DGKI: variants seen among roughly 807,000 people sequenced by gnomAD.
The protein encoded by DGKI is DAG kinase iota.
DGKI carries 55 observed loss-of-function variants against 147.5 expected under a neutral mutation model. The ratio of observed to expected loss-of-function variants is 0.37; its 90% CI spans 0.30 to 0.47. The LOEUF (loss-of-function observed/expected upper bound fraction) is 0.47, where lower values mean the gene tolerates loss of function less well. Among genes scored for constraint, DGKI ranks in the 20% least tolerant of loss-of-function variants. The pLI, the probability that DGKI is intolerant of heterozygous loss-of-function variation, is 1.00. For missense variants in DGKI, 1,007 were observed against 1,323.8 expected (o/e 0.76, Z 3.71); for synonymous variants, 469 against 477.1 (o/e 0.98, Z 0.22).
chr7:137,453,177 G>A (rs1222683969), intron 27 of DGKI: 1 of 152,192 alleles, frequency 6.6e-6, no homozygotes, highest in Non-Finnish European at 1.5e-5. Context: ...AATCAAGTGA[G>A]CAAAGGTATG....
At chr7:137,839,482 T>C (rs1798486678) in intron 1 of DGKI, among the ~76,000 whole-genome samples, 3 of 152,320 alleles carry the variant, frequency 2.0e-5, no homozygotes, top group Middle Eastern at 3.4e-3. Flanking sequence ...CAAACACACA[T>C]ATAGCATGTA....
At chr7:137,830,861 G>A (rs28634434) in intron 1 of DGKI, among the ~76,000 whole-genome samples, 12,718 of 152,184 alleles carry the variant, frequency 0.084, 808 homozygotes, top group African/African-American at 0.18. Context: ...GGCTTTGGGT[G>A]ACTTAGAACT....
intron 30 of DGKI, among the ~76,000 whole-genome samples, chr7:137,402,339 G>A (rs1479634372): frequency 6.6e-6 from 1 of 152,160 alleles, no homozygotes; most frequent in African/African-American, 2.4e-5. Context: ...TGAAAGCTAA[G>A]GGAAAGAAAA....
intron 1 of DGKI, among the ~76,000 whole-genome samples, chr7:137,807,226 C>T (rs994255098): frequency 6.6e-6 from 1 of 152,182 alleles, no homozygotes; most frequent in East Asian, 1.9e-4. Context: ...TTTTCAAATA[C>T]AAGGACTTTT....
At chr7:137,676,494 T>C (rs1319978474) in intron 3 of DGKI, among the ~76,000 whole-genome samples, 2 of 152,330 alleles carry the variant, frequency 1.3e-5, no homozygotes, top group South Asian at 2.1e-4. Context: ...TCCCCCACTT[T>C]ATAGGTAAAG....
intron 1 of DGKI, among the ~76,000 whole-genome samples, chr7:137,741,383 C>T (rs1250414442): frequency 2.0e-5 from 3 of 152,180 alleles, no homozygotes; most frequent in Non-Finnish European, 2.9e-5. Flanking sequence ...AAGTGAAGTG[C>T]TGAGGTTTGA....
At chr7:137,775,755 G>A (rs191724602) in intron 1 of DGKI, among the ~76,000 whole-genome samples, 516 of 152,262 alleles carry the variant, frequency 3.4e-3, no homozygotes, top group Non-Finnish European at 5.6e-3. Flanking sequence ...TAGGGAACTC[G>A]ATAGATAAAC....
At chr7:137,545,892 G>A (rs186294597) in intron 20 of DGKI, 484 of 702,468 alleles carry the variant, frequency 6.9e-4, no homozygotes, top group Non-Finnish European at 1.1e-3. Flanking sequence ...GAATGGCACT[G>A]TACTCACATG....
At chr7:137,492,945 T>A (rs1815822274) in intron 21 of DGKI, among the ~76,000 whole-genome samples, 1 of 152,150 alleles carries the variant, frequency 6.6e-6, no homozygotes, top group Non-Finnish European at 1.5e-5. Context: ...CCAAGGCACA[T>A]CAGCCCACCC....
chr7:137,811,904 G>A (rs1234209461), intron 1 of DGKI, among the ~76,000 whole-genome samples: 1 of 151,208 alleles, frequency 6.6e-6, no homozygotes, highest in Non-Finnish European at 1.5e-5. Context: ...ATTTCTAATT[G>A]CCCCAGCCTA....
intron 19 of DGKI, among the ~76,000 whole-genome samples, chr7:137,554,103 C>A (rs370758533): frequency 6.6e-6 from 1 of 152,154 alleles, no homozygotes; most frequent in African/African-American, 2.4e-5. Flanking sequence ...CCGCCCCTAC[C>A]GGCATTTCAC....
At chr7:137,650,641 CAT>C (rs370852831) in intron 5 of DGKI, among the ~76,000 whole-genome samples, 1 of 152,206 alleles carries the variant, frequency 6.6e-6, no homozygotes, top group Non-Finnish European at 1.5e-5. Flanking sequence ...CTTTCCTCCA[CAT>C]GAGAATACAA....
At position 137,407,998 on chromosome 7, in the gene DGKI, G is replaced by A. The variant is rs1249502660; in HGVS notation, c.2800-3C>T. 6.5e-7 allele frequency: 1 copy of A among 1,535,700 alleles called. No homozygotes were observed. The highest frequency in any genetic ancestry group is 8.7e-7 in the Non-Finnish European group (1 of 1,148,958). ...CCATTTTTATAGCTTTCTATTAGCT[G>A]CAAAGAGAGACATACAAAAAGAAGC... is the stretch of plus-strand genomic sequence containing the variant. On this transcript the variant is annotated splice_region_variant and splice_polypyrimidine_tract_variant and intron_variant, in intron 29 of 32. Transcript: ENST00000614521.
At chr7:137,789,130 A>T (rs1417089193) in intron 1 of DGKI, among the ~76,000 whole-genome samples, 2 of 152,196 alleles carry the variant, frequency 1.3e-5, no homozygotes, top group African/African-American at 2.4e-5. Context: ...ATAAATGAAT[A>T]AAAGAGTAGG....
At chr7:137,702,821 T>C (rs1824028301) in intron 1 of DGKI, among the ~76,000 whole-genome samples, 1 of 152,218 alleles carries the variant, frequency 6.6e-6, no homozygotes, top group Non-Finnish European at 1.5e-5. Flanking sequence ...TGGCTCAGAC[T>C]CCACTCAGCA....
intron 1 of DGKI, among the ~76,000 whole-genome samples, chr7:137,765,615 G>T (rs539803123): frequency 6.6e-6 from 1 of 152,120 alleles, no homozygotes; most frequent in Non-Finnish European, 1.5e-5. Flanking sequence ...TGCAGAAACC[G>T]TTCACTTGTC....
intron 13 of DGKI, among the ~76,000 whole-genome samples, chr7:137,585,810 C>G (rs1293944924): frequency 6.6e-6 from 1 of 152,156 alleles, no homozygotes; most frequent in Non-Finnish European, 1.5e-5. Context: ...CCTTGGAAGA[C>G]ACCATTCTTC....
intron 15 of DGKI, among the ~76,000 whole-genome samples, chr7:137,580,706 C>A (rs1012180173): frequency 1.3e-5 from 2 of 152,060 alleles, no homozygotes; most frequent in African/African-American, 4.8e-5. Context: ...GGTTTTTAAT[C>A]CTGTAGCATC....
chr7:137,412,625 C>T (rs538284035), intron 28 of DGKI, among the ~76,000 whole-genome samples: 28 of 152,276 alleles, frequency 1.8e-4, no homozygotes, highest in African/African-American at 5.8e-4. Context: ...GCCACAGATG[C>T]GGAGTAACTG....
Sources: allele counts gnomAD v4.1 joint callset (sites outside exome capture counted in the v4.1 genomes callset), GRCh38; gene constraint gnomAD v4.1.1; transcripts MANE v1.5; gene names NCBI Gene and HGNC (gene_info 2026-07-23, HGNC 2026-07-21).